SNX29: variants seen among roughly 807,000 people sequenced by gnomAD.
The protein encoded by SNX29 is sorting nexin-29.
Under a neutral mutation model 102.1 loss-of-function variants are expected in SNX29, and 78 were observed. That is an observed-to-expected ratio of 0.76 (90% CI 0.64 to 0.92). SNX29 has a LOEUF of 0.92. Ranked by LOEUF, SNX29 falls within the 40% of genes least tolerant of loss-of-function variation. The pLI, the probability that SNX29 is intolerant of heterozygous loss-of-function variation, is 0.00. For missense variants in SNX29, 1,280 were observed against 1,061.7 expected (o/e 1.21, Z -2.86); for synonymous variants, 580 against 414.5 (o/e 1.40, Z -4.85).
intron 15 of SNX29, among the ~76,000 whole-genome samples, chr16:12,331,308 T>C (rs1040473572): frequency 6.6e-6 from 1 of 152,220 alleles, no homozygotes; most frequent in Admixed American, 6.5e-5. Context: ...CCCTTGGTCA[T>C]GCATTTCTTG....
At chr16:12,389,095 A>G (rs1335741455) in intron 16 of SNX29, among the ~76,000 whole-genome samples, 1 of 152,158 alleles carries the variant, frequency 6.6e-6, no homozygotes, top group African/African-American at 2.4e-5. Flanking sequence ...AGCGTATCTT[A>G]GGAAATCCTA....
At chr16:12,384,904 C>T (rs1342995021) in intron 16 of SNX29, among the ~76,000 whole-genome samples, 2 of 152,210 alleles carry the variant, frequency 1.3e-5, no homozygotes, top group Admixed American at 1.3e-4. Context: ...GGCATGGTGG[C>T]TCCTGCCTAT....
intron 16 of SNX29, among the ~76,000 whole-genome samples, chr16:12,366,659 C>T (rs2082494776): frequency 6.6e-6 from 1 of 152,206 alleles, no homozygotes; most frequent in Admixed American, 6.5e-5. Flanking sequence ...GGGCCTCTGC[C>T]ACCTGGGCTG....
intron 13 of SNX29, among the ~76,000 whole-genome samples, chr16:12,189,576 A>G (rs1467618657): frequency 6.6e-6 from 1 of 152,042 alleles, no homozygotes; most frequent in East Asian, 1.9e-4. Flanking sequence ...GTTAACTTTG[A>G]TCCTCTGATT....
chr16:12,089,779 G>A lies in SNX29; in HGVS notation c.1402+10864G>A, dbSNP rs748439504. The A allele has an allele frequency of 6.0e-5, 20 of 336,096 alleles. 1 individual carries two copies. Among genetic ancestry groups the A allele is most frequent in the South Asian group, 4.7e-4 (20 of 42,412 alleles). The allele number at this position is 336,096 out of a possible 1,614,324, so 20.8% of individuals were successfully genotyped here. A position where few individuals can be genotyped will look rare whatever the true frequency, so the allele number is the denominator to read the frequency against. On this transcript the variant is annotated intron_variant, in intron 11 of 20. Coordinates refer to ENST00000566228, the MANE Select transcript of SNX29 (RefSeq NM_032167.5). ...ATAGGATTTACTCACTTCCTCTTGC[G>A]AAGAGCAGGCTCTGAAGCCTGCTTG...
chr16:12,389,512 G>A (rs954833078), intron 16 of SNX29, among the ~76,000 whole-genome samples: 1 of 152,118 alleles, frequency 6.6e-6, no homozygotes, highest in Non-Finnish European at 1.5e-5. Context: ...CTTCCACCGT[G>A]ATTGTGAGGC....
rs374758738 is a variant in SNX29, at chr16:12,398,438, G to A, written c.1900-8G>A. 8 of 1,613,874 alleles carry A rather than the reference G, an allele frequency of 5.0e-6. No individual in the cohort carries two copies. In the African/African-American group the frequency reaches 1.1e-4, roughly 22 times the overall value. ...TTTTCTCCCCTCTCCCCCTTCTCCT[G>A]ATGGTAGGTGCCTGGAGATTTGAGT... is the stretch of plus-strand genomic sequence containing the variant. On this transcript the variant is annotated splice_region_variant and splice_polypyrimidine_tract_variant and intron_variant, in intron 16 of 20. Coordinates refer to ENST00000566228, the MANE Select transcript of SNX29 (RefSeq NM_032167.5).
chr16:12,372,946 A>G (rs1436361025), intron 16 of SNX29: 1 of 152,164 alleles, frequency 6.6e-6, no homozygotes, highest in African/African-American at 2.4e-5. Context: ...ATCCTATTCC[A>G]TGAGCTGTGC....
chr16:12,167,229 C>G (rs1401603163), intron 13 of SNX29, among the ~76,000 whole-genome samples: 1 of 152,140 alleles, frequency 6.6e-6, no homozygotes, highest in Admixed American at 6.5e-5. Flanking sequence ...GTTCCAGTGG[C>G]CTATGACTGC....
chr16:12,514,717 T>G (rs1006571967), intron 19 of SNX29, among the ~76,000 whole-genome samples: 5 of 151,968 alleles, frequency 3.3e-5, no homozygotes, highest in Non-Finnish European at 5.9e-5. Flanking sequence ...ATAGAAAGAT[T>G]AGCTGGGCGT....
intron 13 of SNX29, among the ~76,000 whole-genome samples, chr16:12,139,481 C>T (rs1421195837): frequency 6.6e-6 from 1 of 152,198 alleles, no homozygotes; most frequent in Non-Finnish European, 1.5e-5. Context: ...ACCGTGGGGC[C>T]AGTGACTGTC....
At position 12,011,544 on chromosome 16, in the gene SNX29, G is replaced by C. The variant is rs151255587; in HGVS notation, c.122+8501G>C. 4.1e-3 allele frequency among the ~76,000 whole-genome samples: 617 copies of C among 152,062 alleles called. 2 individuals are homozygous for C. The highest frequency in any genetic ancestry group is 0.014 in the African/African-American group (577 of 41,448). ...CCCTTCTTGGCCTCCCAAAGTGCTG[G>C]GATTATAGGCGTGAGTCACTATGCC... is the stretch of plus-strand genomic sequence containing the variant. On this transcript the variant is annotated intron_variant, in intron 3 of 20. Coordinates refer to ENST00000566228, the MANE Select transcript of SNX29 (RefSeq NM_032167.5).
At chr16:12,009,360 G>A (rs928108522) in intron 3 of SNX29, among the ~76,000 whole-genome samples, 1 of 152,020 alleles carries the variant, frequency 6.6e-6, no homozygotes, top group Non-Finnish European at 1.5e-5. Flanking sequence ...CAAGGTGGAT[G>A]TGTGTGAGCA....
chr16:12,423,305 C>T (rs1331968266), intron 18 of SNX29, among the ~76,000 whole-genome samples: 1 of 152,086 alleles, frequency 6.6e-6, no homozygotes, highest in African/African-American at 2.4e-5. Context: ...GACTGAACAG[C>T]TGCCTGATGG....
intron 13 of SNX29, among the ~76,000 whole-genome samples, chr16:12,184,861 T>C (rs2076474355): frequency 6.6e-6 from 1 of 152,268 alleles, no homozygotes; most frequent in African/African-American, 2.4e-5. Flanking sequence ...CCTTTTGCTG[T>C]ATCAACTCTT....
chr16:12,265,310 G>A (rs1478989840), intron 14 of SNX29, among the ~76,000 whole-genome samples: 1 of 152,176 alleles, frequency 6.6e-6, no homozygotes, highest in African/African-American at 2.4e-5. Context: ...CGAAGCCTCT[G>A]CTGGGCTCCA....
At chr16:12,563,105 A>T (rs1483906146) in intron 20 of SNX29, among the ~76,000 whole-genome samples, 1 of 95,322 alleles carries the variant, frequency 1.0e-5, no homozygotes, top group East Asian at 2.0e-4. Context: ...GACGCACGCT[A>T]ACAACAGAGC....
chr16:12,558,890 T>G lies in SNX29; in HGVS notation c.2319-9616T>G, dbSNP rs79372061. ...CATTTGCAGAAAATGTGCCTGAGTT[T>G]GCTTCAGGGCCTGAAAGCATTGTCT... On this transcript the variant is annotated intron_variant, in intron 20 of 20. Coordinates refer to ENST00000566228, the MANE Select transcript of SNX29 (RefSeq NM_032167.5). 7.7e-3 allele frequency among the ~76,000 whole-genome samples: 1,173 copies of G among 152,354 alleles called. 19 individuals carry two copies. Among genetic ancestry groups the G allele is most frequent in the African/African-American group, 0.027 (1,110 of 41,574 alleles).
intron 20 of SNX29, among the ~76,000 whole-genome samples, chr16:12,540,682 C>G (rs187078964): frequency 6.6e-6 from 1 of 152,338 alleles, no homozygotes; most frequent in East Asian, 1.9e-4. Context: ...GCTGGTCCCT[C>G]TTGTTGTAGA....
Sources: allele counts gnomAD v4.1 joint callset (sites outside exome capture counted in the v4.1 genomes callset), GRCh38; gene constraint gnomAD v4.1.1; transcripts MANE v1.5; gene names NCBI Gene and HGNC (gene_info 2026-07-23, HGNC 2026-07-21).